The following AK9 variants were observed in gnomAD, a reference collection of about 807,000 sequenced individuals.
AK9 encodes the protein adenylate kinase domain containing 1.
In AK9, 191 loss-of-function variants were observed where a neutral mutation model predicts 239.6. The observed-to-expected ratio is 0.80, with a 90% CI of 0.71 to 0.90. AK9 has a LOEUF of 0.90. AK9 is among the 40% of genes least tolerant of loss of function. The pLI is 0.00. For missense variants in AK9, 1,995 were observed against 2,214.7 expected (o/e 0.90, Z 1.99); for synonymous variants, 689 against 721.0 (o/e 0.96, Z 0.71).
At chr6:109,502,324 C>A (rs1325200252) in intron 35 of AK9, among the ~76,000 whole-genome samples, 1 of 152,116 alleles carries the variant, frequency 6.6e-6, no homozygotes, top group Non-Finnish European at 1.5e-5. Context: ...CAGAGAAATA[C>A]ACACAAACAG....
chr6:109,511,418 C>T (rs1364561238), intron 32 of AK9, among the ~76,000 whole-genome samples: 3 of 152,156 alleles, frequency 2.0e-5, no homozygotes, highest in Non-Finnish European at 4.4e-5. Flanking sequence ...TTAACTATTT[C>T]ATCAGGTGGG....
At chr6:109,532,698 T>C (rs1223011319) in intron 28 of AK9, among the ~76,000 whole-genome samples, 1 of 152,220 alleles carries the variant, frequency 6.6e-6, no homozygotes, top group African/African-American at 2.4e-5. Flanking sequence ...TTATGAATAA[T>C]GGTTATGAAC....
At chr6:109,592,068 T>A (rs1790319764) in intron 17 of AK9, among the ~76,000 whole-genome samples, 1 of 150,502 alleles carries the variant, frequency 6.6e-6, no homozygotes, top group Admixed American at 6.6e-5. Flanking sequence ...AAATGAATCT[T>A]TTGCCAAAAA....
At chr6:109,600,261 T>C (rs913949212) in intron 17 of AK9, among the ~76,000 whole-genome samples, 11 of 152,212 alleles carry the variant, frequency 7.2e-5, no homozygotes, top group African/African-American at 2.7e-4. Flanking sequence ...CATCAATACC[T>C]AATTTATTGA....
chr6:109,506,528 T>C lies in AK9; in HGVS notation c.4648A>G (p.Asn1550Asp). The change falls in exon 35 of 41, where the codon AAT becomes GAT. Residue 1550 changes from asparagine (N) to aspartate (D), a missense_variant. By Grantham distance (23) the Asn-to-Asp change is conservative. Around this residue, in one of 5 missense-constraint regions of AK9, gnomAD observed 391 missense variants for 456.0 expected, o/e 0.86. Transcript: ENST00000424296. Reference protein sequence around the residue: ...NEQRLPYPLHNSAQIVAVNNV... With the variant: ...NEQRLPYPLHDSAQIVAVNNV... The stretch of plus-strand genomic sequence containing the variant: ...TTGACAGCTACAATTTGTGCACTAT[T>C]GTGCAATGGATAAGGCAATCTAATA... The C allele has an allele frequency of 6.3e-7, 1 of 1,591,792 alleles. No individual in the cohort carries two copies. The highest frequency in any genetic ancestry group is 2.3e-5 in the East Asian group (1 of 44,290).
In AK9 at chr6:109,609,076, C is replaced by T. The variant is rs558415456; in HGVS notation, c.1842+1289G>A. 8.5e-4 allele frequency among the ~76,000 whole-genome samples: 129 copies of T among 152,284 alleles called. 1 individual carries two copies. The highest frequency in any genetic ancestry group is 2.7e-3 in the African/African-American group (114 of 41,556). ...TGAGCTTTGGTGTTAAAATCTCATA[C>T]GATTTAAACTACAGTCCCAGAGCTA... On this transcript the variant is annotated intron_variant, in intron 17 of 40. Transcript: ENST00000424296.
chr6:109,555,552 G>C (rs139271520), intron 24 of AK9, among the ~76,000 whole-genome samples: 119 of 152,290 alleles, frequency 7.8e-4, no homozygotes, highest in Non-Finnish European at 1.4e-3. Context: ...TTGAGTTCAA[G>C]TCCTGAATAT....
intron 31 of AK9, 136 bp from the exon 32 acceptor site, chr6:109,514,573 A>C: frequency 1.3e-6 from 1 of 756,704 alleles, no homozygotes; most frequent in Non-Finnish European, 2.1e-6. Context: ...ATTATAATCA[A>C]AGGTTAATAT....
intron 24 of AK9, among the ~76,000 whole-genome samples, chr6:109,559,041 G>A (rs140817686): frequency 6.6e-6 from 1 of 151,702 alleles, no homozygotes; most frequent in Non-Finnish European, 1.5e-5. Context: ...CAATAGAGAG[G>A]GGGGGTTCGC....
chr6:109,683,786 G>T (rs761509022), intron 1 of AK9, among the ~76,000 whole-genome samples: 1 of 152,206 alleles, frequency 6.6e-6, no homozygotes, highest in Non-Finnish European at 1.5e-5. Flanking sequence ...CATGCTCATG[G>T]ATAGGAAGAA....
chr6:109,675,769 AG>A lies in AK9; in HGVS notation c.-11-14del. 2 of 1,447,054 alleles carry A rather than the reference AG, an allele frequency of 1.4e-6. No homozygotes were observed. The highest frequency in any genetic ancestry group is 1.9e-6 in the Non-Finnish European group (2 of 1,055,378). 89.6% of individuals were successfully genotyped at this position (1,447,054 alleles called of 1,614,324 possible). A position where few individuals can be genotyped will look rare whatever the true frequency, so the allele number is the denominator to read the frequency against. On this transcript the variant is annotated splice_polypyrimidine_tract_variant and intron_variant, in intron 1 of 40. Coordinates refer to ENST00000424296, the MANE Select transcript of AK9 (RefSeq NM_001145128.3). The stretch of plus-strand genomic sequence containing the variant: ...ATGACACAAAATACTACAATAAAAA[AG>A]GGTAAGATTGTTAACTTGTCTAATT...
At chr6:109,674,093 A>C (rs1267330343) in intron 3 of AK9, 105 bp downstream of exon 3, 1 of 761,486 alleles carries the variant, frequency 1.3e-6, no homozygotes, top group Non-Finnish European at 1.9e-6. Context: ...TTAATCACAG[A>C]CTCTAGATGG....
chr6:109,630,241 C>T (rs1795972850), intron 12 of AK9, among the ~76,000 whole-genome samples: 1 of 152,022 alleles, frequency 6.6e-6, no homozygotes, highest in Non-Finnish European at 1.5e-5. Context: ...CAGAAAACTC[C>T]AAATTATTAC....
intron 26 of AK9, among the ~76,000 whole-genome samples, chr6:109,543,754 AC>A (rs2128152129): frequency 6.6e-6 from 1 of 152,068 alleles, no homozygotes; most frequent in African/African-American, 2.4e-5. Context: ...GTCCCGATAT[AC>A]ATTTTTTAAA....
intron 39 of AK9, among the ~76,000 whole-genome samples, chr6:109,494,996 C>T (rs987739849): frequency 3.3e-5 from 5 of 152,242 alleles, no homozygotes; most frequent in East Asian, 1.9e-4. Context: ...GATCCTCTCA[C>T]GGACTGAATC....
chr6:109,661,787 A>T (rs892091878), intron 6 of AK9, among the ~76,000 whole-genome samples: 8 of 152,188 alleles, frequency 5.3e-5, no homozygotes, highest in Non-Finnish European at 1.2e-4. Flanking sequence ...GTATGGATAC[A>T]AAAGCTTATC....
At chr6:109,512,858 T>G (rs1778895950) in intron 32 of AK9, among the ~76,000 whole-genome samples, 1 of 152,186 alleles carries the variant, frequency 6.6e-6, no homozygotes, top group Non-Finnish European at 1.5e-5. Context: ...TTAAGATAAT[T>G]GATTTACTAT....
chr6:109,586,113 C>G (rs1309602373), intron 17 of AK9, 41 bp from the exon 18 acceptor site: 2 of 1,478,862 alleles, frequency 1.4e-6, no homozygotes, highest in Non-Finnish European at 1.8e-6. Flanking sequence ...CATAGCTTGA[C>G]AAGTCAAGGA....
intron 27 of AK9, 78 bp from the exon 28 acceptor site, chr6:109,533,548 T>G: frequency 8.4e-7 from 1 of 1,193,634 alleles, no homozygotes. Context: ...ACTGTAATGA[T>G]CATTATACAA....
Sources: gnomAD v4.1 joint callset for allele counts (sites outside exome capture counted in the v4.1 genomes callset) on GRCh38, gnomAD v4.1.1 for gene constraint, gnomAD v4.1.1 regional missense constraint, MANE v1.5 for transcripts, NCBI Gene and HGNC (gene_info 2026-07-23, HGNC 2026-07-21) for gene names.